Variants in NCAPD2 observed in about 807,000 individuals in gnomAD.
NCAPD2 encodes condensin complex subunit 1.
A neutral mutation model predicts 164.5 loss-of-function variants in NCAPD2; 100 were observed. That is an observed-to-expected ratio of 0.61 (90% CI 0.52 to 0.72). The LOEUF is 0.72. Ranked by LOEUF, NCAPD2 falls within the 30% of genes least tolerant of loss-of-function variation. The pLI is 0.00. For synonymous variants in NCAPD2, 585 were observed against 642.6 expected, an observed-to-expected ratio of 0.91 and a Z score of 1.36; for missense variants, 1,560 against 1,749.2, an observed-to-expected ratio of 0.89 and a Z score of 1.93.
In NCAPD2 at chr12:6,518,504, G is replaced by GTTTTTTTGTTTTTTTTT. The variant is rs1946226659; in HGVS notation, c.1589+552_1589+553insGTTTTTTTTTTTTTTTT. The stretch of plus-strand genomic sequence containing the variant: ...CAAAAGCCCTTACAGCCGTCAACAA[G>GTTTTTTTGTTTTTTTTT]TTTTTTTTTTTTTTTTTTTTTTTTT... On this transcript the variant is annotated intron_variant, in intron 13 of 31. Coordinates refer to ENST00000315579, the MANE Select transcript of NCAPD2 (RefSeq NM_014865.4). Among the ~76,000 whole-genome samples the GTTTTTTTGTTTTTTTTT allele has an allele frequency of 8.9e-5, 4 of 44,782 alleles. No individual in the cohort carries two copies. In the South Asian group the frequency reaches 3.3e-3, roughly 37 times the overall value. 29.4% of individuals were successfully genotyped at this position (44,782 alleles called of 152,430 possible). A position where few individuals can be genotyped will look rare whatever the true frequency, so the allele number is the denominator to read the frequency against.
intron 6 of NCAPD2, among the ~76,000 whole-genome samples, chr12:6,512,536 G>C (rs768000118): frequency 6.6e-6 from 1 of 152,230 alleles, no homozygotes; most frequent in African/African-American, 2.4e-5. Context: ...GAGCAGGTAC[G>C]AGGGTTAGGC....
At chr12:6,505,880 T>C (rs1274430897) in intron 2 of NCAPD2, among the ~76,000 whole-genome samples, 1 of 151,958 alleles carries the variant, frequency 6.6e-6, no homozygotes, top group Non-Finnish European at 1.5e-5. Context: ...CAAAAACAAA[T>C]AATATTGCAT....
intron 2 of NCAPD2, among the ~76,000 whole-genome samples, chr12:6,499,775 T>G (rs1465224349): frequency 2.0e-5 from 3 of 152,174 alleles, no homozygotes; most frequent in South Asian, 4.1e-4. Context: ...GAACACAGAT[T>G]GGTGAGGACC....
In NCAPD2 at chr12:6,522,000, C is replaced by G. The variant is rs1254418117; in HGVS notation, c.1917C>G (p.Gly639=). 3 of 1,614,024 alleles carry G rather than the reference C, an allele frequency of 1.9e-6. No homozygotes were observed. Among genetic ancestry groups the G allele is most frequent in the Non-Finnish European group, 2.5e-6 (3 of 1,180,020 alleles). Residue 639 remains glycine (G), a synonymous_variant, in exon 15 of 32, where the codon GGC becomes GGG. Transcript: ENST00000315579. ...SFSRKITEAI[G]IISKMMYENT... is the part of the protein sequence containing the mutation. ...CCCGGAAGATTACAGAGGCCATTGG[C>G]ATCATCAGCAAGATGATGTATGAAA... is the stretch of plus-strand genomic sequence containing the variant.
At chr12:6,496,739 C>T (rs1200373525) in intron 2 of NCAPD2, among the ~76,000 whole-genome samples, 1 of 151,898 alleles carries the variant, frequency 6.6e-6, no homozygotes, top group Non-Finnish European at 1.5e-5. Context: ...CTCACTGCAG[C>T]CTCAATCTAC....
At chr12:6,516,741 A>G (rs1290127497) in intron 9 of NCAPD2, 87 bp from the exon 10 acceptor site, 3 of 1,250,086 alleles carry the variant, frequency 2.4e-6, no homozygotes, top group East Asian at 4.7e-5. Context: ...GTGAATACCT[A>G]GGCAGTTAAT....
In NCAPD2 at chr12:6,510,689, C is replaced by G; in HGVS notation, c.323C>G (p.Ser108Ter). 6.2e-7 allele frequency: 1 copy of G among 1,614,172 alleles called. No individual in the cohort carries two copies. The highest frequency in any genetic ancestry group is 8.5e-7 in the Non-Finnish European group (1 of 1,180,042). Residue 108 changes from serine (S) to a stop codon, truncating the protein, a stop_gained, in exon 5 of 32, where the codon TCA (serine) becomes TGA (stop). Coordinates refer to ENST00000315579, the MANE Select transcript of NCAPD2 (RefSeq NM_014865.4). LOFTEE classifies it high-confidence loss of function. ...AILDDTTLSG[S>*]DRNAHLNALK... ...CTGGATGATACAACTTTGAGTGGATCAGATAGAAACGCCCATCTAAATGCC... is the reference window on the plus strand; with the variant it reads ...CTGGATGATACAACTTTGAGTGGATGAGATAGAAACGCCCATCTAAATGCC...
intron 2 of NCAPD2, among the ~76,000 whole-genome samples, chr12:6,508,413 C>T (rs933496820): frequency 6.6e-6 from 1 of 152,026 alleles, no homozygotes; most frequent in African/African-American, 2.4e-5. Context: ...AAGTATGGGA[C>T]AATTTGAGCA....
Position 6,526,782 on chromosome 12 carries a change from C to T in NCAPD2, c.2735-109C>T. On this transcript the variant is annotated intron_variant, in intron 21 of 31. Transcript: ENST00000315579. ...CCCACCCCCAACTCTTACTACTTCACTAGTTTGAATAGCACGTGAGCAAGG... is the reference window on the plus strand; with the variant it reads ...CCCACCCCCAACTCTTACTACTTCATTAGTTTGAATAGCACGTGAGCAAGG... 2.8e-6 allele frequency: 4 copies of T among 1,439,410 alleles called. No individual in the cohort carries two copies. The South Asian group carries it at 5.3e-5, about 19-fold the overall frequency. The allele number at this position is 1,439,410 out of a possible 1,614,324, so 89.2% of individuals were successfully genotyped here.
rs1946267060 is a variant in NCAPD2 at position 6,521,939 on chromosome 12, TG to T, written c.1857del (p.Met619IlefsTer26). On this transcript the variant is annotated frameshift_variant, in exon 15 of 32. Transcript: ENST00000315579. LOFTEE classifies it high-confidence loss of function. The part of the protein sequence containing the change: ...RGNDELVKQE[M>X]LVQYLQDAYS... ...AATGATGAACTAGTGAAGCAGGAGA[TG>T]CTGGTACAGTATCTGCAGGATGCCT... 1 of 1,614,044 alleles carries T rather than the reference TG, an allele frequency of 6.2e-7. No individual in the cohort carries two copies. Among genetic ancestry groups the T allele is most frequent in the African/African-American group, 1.3e-5 (1 of 74,898 alleles).
chr12:6,521,389 G>A (rs940091546), intron 14 of NCAPD2, among the ~76,000 whole-genome samples: 1 of 152,216 alleles, frequency 6.6e-6, no homozygotes, highest in Admixed American at 6.5e-5. Context: ...ATTGTGAAAA[G>A]AGATATCCAG....
chr12:6,501,567 G>C (rs191200301), intron 2 of NCAPD2, among the ~76,000 whole-genome samples: 25 of 152,280 alleles, frequency 1.6e-4, no homozygotes, highest in African/African-American at 5.5e-4. Flanking sequence ...GGAGGGAGAG[G>C]TTTAGATTGT....
At chr12:6,512,282 A>G (rs1211787591) in intron 6 of NCAPD2, among the ~76,000 whole-genome samples, 1 of 150,346 alleles carries the variant, frequency 6.7e-6, no homozygotes, top group Non-Finnish European at 1.5e-5. Flanking sequence ...CAAAAAAAAA[A>G]AAAAAAAAAA....
chr12:6,530,050 C>A, intron 29 of NCAPD2, 92 bp downstream of exon 29: 1 of 1,389,246 alleles, frequency 7.2e-7, no homozygotes, highest in Non-Finnish European at 9.8e-7. Flanking sequence ...TTGCAGTCAC[C>A]TTCCCGTCCT....
At chr12:6,506,773 A>C (rs1480357886) in intron 2 of NCAPD2, among the ~76,000 whole-genome samples, 4 of 152,036 alleles carry the variant, frequency 2.6e-5, no homozygotes, top group Non-Finnish European at 5.9e-5. Flanking sequence ...TGAGCCCAGG[A>C]ATTTAAGGCT....
chr12:6,510,541 A>T (rs1216901073), intron 4 of NCAPD2, 88 bp from the exon 5 acceptor site: 16 of 1,436,350 alleles, frequency 1.1e-5, no homozygotes, highest in Non-Finnish European at 1.6e-5. Flanking sequence ...ATCTTTGGTA[A>T]TCTGATGGCT....
intron 13 of NCAPD2, 85 bp from the exon 14 acceptor site, chr12:6,520,901 G>T: frequency 1.3e-6 from 2 of 1,581,092 alleles, no homozygotes; most frequent in Non-Finnish European, 1.7e-6. Context: ...TAGGTCCAGG[G>T]ACTTGATAGA....
In NCAPD2 at chr12:6,517,641, A is replaced by C. The variant is rs1265969872; in HGVS notation, c.1366A>C (p.Lys456Gln). The change falls in exon 12 of 32, where the codon AAA (lysine) becomes CAA (glutamine). Residue 456 changes from lysine (K) to glutamine (Q), a missense_variant. Physicochemically the swap from Lys to Gln is moderately conservative, Grantham distance 53. Transcript: ENST00000315579. ...LAGPLQKETQ[K>Q]LQEMRAQRRT... The stretch of plus-strand genomic sequence containing the variant: ...CGGACCACTGCAGAAGGAGACCCAG[A>C]AATTACAAGAGATGAGGGCCCAGAG... The C allele has an allele frequency of 6.2e-7, 1 of 1,614,252 alleles. No individual in the cohort carries two copies. Among genetic ancestry groups the C allele is most frequent in the East Asian group, 2.2e-5 (1 of 44,886 alleles).
In NCAPD2 at chr12:6,531,295, G is replaced by A. The variant is rs759643965; in HGVS notation, c.4121-32G>A. The A allele has an allele frequency of 1.3e-6, 2 of 1,598,628 alleles. No homozygotes were observed. The highest frequency in any genetic ancestry group is 1.7e-6 in the Non-Finnish European group (2 of 1,168,712). On this transcript the variant is annotated intron_variant, in intron 31 of 31. Transcript: ENST00000315579. The surrounding 1 kb of genome is among the most constrained non-coding windows in gnomAD (Gnocchi z 4.1). ...ATTTTTTCACCATCTTTGTGACTCA[G>A]CTTTTTCTTATTCCTTTAATTCTTT...
Sources: allele counts gnomAD v4.1 joint callset (sites outside exome capture counted in the v4.1 genomes callset), GRCh38; gene constraint gnomAD v4.1.1; non-coding constraint Gnocchi (gnomAD v3.1); transcripts MANE v1.5; gene names NCBI Gene and HGNC (gene_info 2026-07-23, HGNC 2026-07-21).